The following ADARB2 variants were observed in gnomAD, a reference collection of about 807,000 sequenced individuals.
ADARB2 encodes the protein inactive double-stranded RNA-specific editase B2.
ADARB2 carries 25 observed loss-of-function variants against 62.2 expected under a neutral mutation model. The ratio of observed to expected loss-of-function variants is 0.40; its 90% CI spans 0.29 to 0.56. The LOEUF (loss-of-function observed/expected upper bound fraction) is 0.56, where lower values mean the gene tolerates loss of function less well. Ranked by LOEUF, ADARB2 falls within the 20% of genes least tolerant of loss-of-function variation. The pLI, the probability that ADARB2 is intolerant of heterozygous loss-of-function variation, is 0.43. For synonymous variants in ADARB2, 572 were observed against 500.8 expected (o/e 1.14, Z -1.90); for missense variants, 1,071 against 1,077.4 (o/e 0.99, Z 0.08).
At chr10:1,621,837 C>T (rs1223099566) in intron 1 of ADARB2, among the ~76,000 whole-genome samples, 2 of 151,988 alleles carry the variant, frequency 1.3e-5, no homozygotes, top group African/African-American at 4.8e-5. Flanking sequence ...AATCTCAAAT[C>T]CCAGGATTTT....
chr10:1,343,600 T>C (rs1308733769), intron 3 of ADARB2, among the ~76,000 whole-genome samples: 1 of 152,186 alleles, frequency 6.6e-6, no homozygotes, highest in Non-Finnish European at 1.5e-5. Flanking sequence ...CTATTCACAA[T>C]TGCAAAGTCA....
rs138002426 is a variant in ADARB2 at position 1,587,766 on chromosome 10, C to T, written c.100+149285G>A. ...CCATAATTCCCACGTGTTGTGGGAG[C>T]GACCTGGTGGGAGGTAATTGAATCA... On this transcript the variant is annotated intron_variant, in intron 1 of 9. Transcript: ENST00000381312. 2.2e-3 allele frequency among the ~76,000 whole-genome samples: 332 copies of T among 152,222 alleles called. 4 individuals are homozygous for T. The highest frequency in any genetic ancestry group is 7.8e-3 in the African/African-American group (322 of 41,520).
At chr10:1,380,660 C>A (rs1290304550) in intron 1 of ADARB2, among the ~76,000 whole-genome samples, 1 of 152,104 alleles carries the variant, frequency 6.6e-6, no homozygotes, top group African/African-American at 2.4e-5. Context: ...GCTGTTGTTT[C>A]CAGTAGGGAC....
intron 1 of ADARB2, among the ~76,000 whole-genome samples, chr10:1,533,901 G>T (rs2131962077): frequency 1.3e-5 from 2 of 152,138 alleles, no homozygotes; most frequent in South Asian, 4.2e-4. Flanking sequence ...CCTAGAAGTG[G>T]TTTTTAACGT....
At chr10:1,216,736 G>T in intron 7 of ADARB2, 1 of 640,680 alleles carries the variant, frequency 1.6e-6, no homozygotes, top group Non-Finnish European at 2.6e-6. Context: ...TCGGGTGGCA[G>T]GGCCTTGCTC....
At chr10:1,258,014 C>T (rs1382900889) in intron 4 of ADARB2, among the ~76,000 whole-genome samples, 1 of 152,220 alleles carries the variant, frequency 6.6e-6, no homozygotes, top group Non-Finnish European at 1.5e-5. Flanking sequence ...TCTCCATCCA[C>T]ACAGTGGGGA....
Position 1,224,844 on chromosome 10 carries a change from T to C in ADARB2, c.1514-7725A>G, listed in dbSNP as rs1830730484. 2.0e-5 allele frequency among the ~76,000 whole-genome samples: 3 copies of C among 152,190 alleles called. No homozygotes were observed. In the South Asian group the frequency reaches 6.2e-4, roughly 31 times the overall value. ...GAGAGCTTTACTTCCAATTATGTGG[T>C]CAGTTTTGGAGTAGGTGTGGTGTGG... On this transcript the variant is annotated intron_variant, in intron 6 of 9. Coordinates refer to ENST00000381312, the MANE Select transcript of ADARB2 (RefSeq NM_018702.4).
intron 1 of ADARB2, among the ~76,000 whole-genome samples, chr10:1,512,931 A>G (rs1831956710): frequency 6.6e-6 from 1 of 152,230 alleles, no homozygotes; most frequent in South Asian, 2.1e-4. Context: ...GGCTCTGCCA[A>G]GCTGCTTACT....
chr10:1,464,292 A>G (rs11812334), intron 1 of ADARB2, among the ~76,000 whole-genome samples: 2,935 of 35,058 alleles, frequency 0.084, 97 homozygotes, highest in Non-Finnish European at 0.11. Context: ...CGCGCTGGGG[A>G]CAGTCACAGC....
At chr10:1,571,161 C>A (rs542756554) in intron 1 of ADARB2, among the ~76,000 whole-genome samples, 2 of 152,248 alleles carry the variant, frequency 1.3e-5, no homozygotes, top group African/African-American at 2.4e-5. Context: ...ACTCTAAAGT[C>A]TTTTCTTGAA....
At chr10:1,417,702 C>T (rs1401698384) in intron 1 of ADARB2, among the ~76,000 whole-genome samples, 4 of 152,180 alleles carry the variant, frequency 2.6e-5, no homozygotes, top group Non-Finnish European at 4.4e-5. Context: ...TGCTATGGGC[C>T]GGCGTTGCAC....
chr10:1,378,428 G>C (rs1266317187), intron 2 of ADARB2, among the ~76,000 whole-genome samples: 1 of 152,184 alleles, frequency 6.6e-6, no homozygotes, highest in Non-Finnish European at 1.5e-5. Context: ...GGAGAGGAGA[G>C]AATAGTCCAA....
chr10:1,503,943 AT>A (rs1411542435), intron 1 of ADARB2, among the ~76,000 whole-genome samples: 1 of 152,186 alleles, frequency 6.6e-6, no homozygotes, highest in Non-Finnish European at 1.5e-5. Context: ...ACCGTGAGCC[AT>A]TTAAACCTCT....
At chr10:1,583,634 G>A (rs774617705) in intron 1 of ADARB2, among the ~76,000 whole-genome samples, 4 of 152,200 alleles carry the variant, frequency 2.6e-5, no homozygotes, top group Non-Finnish European at 5.9e-5. Flanking sequence ...GGAAGACTCA[G>A]TATTTTTAAG....
intron 1 of ADARB2, among the ~76,000 whole-genome samples, chr10:1,500,134 T>C (rs1457023707): frequency 1.3e-5 from 2 of 152,260 alleles, no homozygotes; most frequent in South Asian, 2.1e-4. Flanking sequence ...GTTGGAGTTG[T>C]TTGTCAGGCC....
chr10:1,625,681 A>ATCTG (rs1833757206), intron 1 of ADARB2, among the ~76,000 whole-genome samples: 1 of 152,160 alleles, frequency 6.6e-6, no homozygotes, highest in South Asian at 2.1e-4. Context: ...TCCACTGACC[A>ATCTG]TCAGACAGCA....
chr10:1,628,237 A>G (rs542315624), intron 1 of ADARB2, among the ~76,000 whole-genome samples: 2 of 152,314 alleles, frequency 1.3e-5, no homozygotes, highest in South Asian at 4.1e-4. Context: ...ATTGTCAAGG[A>G]GCGAGGGGGC....
intron 1 of ADARB2, among the ~76,000 whole-genome samples, chr10:1,478,588 G>C (rs1199288100): frequency 6.6e-6 from 1 of 151,956 alleles, no homozygotes; most frequent in African/African-American, 2.4e-5. Context: ...AGACGGGAGA[G>C]CACCAAAACA....
intron 1 of ADARB2, among the ~76,000 whole-genome samples, chr10:1,464,125 G>C (rs1187223333): frequency 6.6e-6 from 1 of 151,430 alleles, no homozygotes; most frequent in African/African-American, 2.4e-5. Flanking sequence ...CCGGAGAAGA[G>C]GGTGGACACA....
Sources: gnomAD v4.1 joint callset for allele counts (sites outside exome capture counted in the v4.1 genomes callset) on GRCh38, gnomAD v4.1.1 for gene constraint, MANE v1.5 for transcripts, NCBI Gene and HGNC (gene_info 2026-07-23, HGNC 2026-07-21) for gene names.